Variants in DNAH10 observed in about 807,000 individuals in gnomAD.
The protein encoded by DNAH10 is dynein axonemal heavy chain 10.
A neutral mutation model predicts 506.6 loss-of-function variants in DNAH10; 348 were observed. That is an observed-to-expected ratio of 0.69 (90% CI 0.63 to 0.75). DNAH10 has a LOEUF of 0.75. Ranked by LOEUF, DNAH10 falls within the 30% of genes least tolerant of loss-of-function variation. The pLI is 0.00. For missense variants in DNAH10, 5,179 were observed against 5,787.1 expected, an observed-to-expected ratio of 0.89 and a Z score of 3.41; for synonymous variants, 2,059 against 2,198.6, an observed-to-expected ratio of 0.94 and a Z score of 1.78.
chr12:123,767,276 T>G (rs772278403), intron 1 of DNAH10, among the ~76,000 whole-genome samples: 8 of 152,208 alleles, frequency 5.3e-5, no homozygotes, highest in Non-Finnish European at 1.2e-4. Context: ...TTTTGAAATG[T>G]ACAGTTTAGG....
At position 123,935,354 on chromosome 12, in the gene DNAH10, T is replaced by C; in HGVS notation, c.13643T>C (p.Val4548Ala). 6.2e-7 allele frequency: 1 copy of C among 1,608,410 alleles called. No individual in the cohort carries two copies. The highest frequency in any genetic ancestry group is 1.1e-5 in the South Asian group (1 of 90,938). ...TTGCAGAATACTTTCCGGACCCCCG[T>C]CTACACCACCTCCATGAGAAGGAAC... ...LKLQNTFRTP[V>A]YTTSMRRNAM... Residue 4548 changes from valine (V) to alanine (A), a missense_variant, in exon 79 of 79, where the codon GTC (valine) becomes GCC (alanine). Physicochemically the swap from Val to Ala is moderately conservative, Grantham distance 64 (BLOSUM62 0). Transcript: ENST00000673944.
intron 42 of DNAH10, 149 bp downstream of exon 42, chr12:123,867,750 C>A: frequency 7.4e-7 from 1 of 1,347,800 alleles, no homozygotes; most frequent in Non-Finnish European, 1.0e-6. Flanking sequence ...TGCTTTTGTG[C>A]AAGTCAAGAT....
In DNAH10 at chr12:123,902,911, T is replaced by C. The variant is rs747134725; in HGVS notation, c.9641-28T>C. The C allele has an allele frequency of 2.1e-5, 33 of 1,558,550 alleles. No individual in the cohort carries two copies. Among genetic ancestry groups the C allele is most frequent in the Non-Finnish European group, 2.6e-5 (30 of 1,151,878 alleles). On this transcript the variant is annotated intron_variant, in intron 56 of 78. Coordinates refer to ENST00000673944, the MANE Select transcript of DNAH10 (RefSeq NM_001372106.1). This position sits in a 1 kb window ranked among gnomAD's most constrained non-coding sequence, Gnocchi z 4.5. ...GAGTGCATCTCCTCTGAGCCCAAGC[T>C]TTACTCACCCCCTGTCCTACCCTGC...
At position 123,902,111 on chromosome 12, in the gene DNAH10, A is replaced by G. The variant is rs1255717920; in HGVS notation, c.9641-828A>G. 2.6e-5 allele frequency among the ~76,000 whole-genome samples: 4 copies of G among 152,088 alleles called. No individual in the cohort carries two copies. The highest frequency in any genetic ancestry group is 7.2e-5 in the African/African-American group (3 of 41,462). On this transcript the variant is annotated intron_variant, in intron 56 of 78. Coordinates refer to ENST00000673944, the MANE Select transcript of DNAH10 (RefSeq NM_001372106.1). The surrounding 1 kb of genome is among the most constrained non-coding windows in gnomAD (Gnocchi z 4.5). Reference sequence around the variant, plus strand: ...TTGGTATTCCTTAGCTTAGCTTATAAATGCACCACTCCAGCGTCTGTCTCC... The same window carrying G: ...TTGGTATTCCTTAGCTTAGCTTATAGATGCACCACTCCAGCGTCTGTCTCC...
At position 123,787,683 on chromosome 12, in the gene DNAH10, C is replaced by T. The variant is rs1957909604; in HGVS notation, c.1422-121C>T. The T allele has an allele frequency of 7.5e-6, 9 of 1,196,614 alleles. No individual in the cohort carries two copies. In the South Asian group the frequency reaches 8.2e-5, roughly 11 times the overall value. The allele number at this position is 1,196,614 out of a possible 1,614,324, so 74.1% of individuals were successfully genotyped here. A position where few individuals can be genotyped will look rare whatever the true frequency, so the allele number is the denominator to read the frequency against. On this transcript the variant is annotated intron_variant, in intron 9 of 78. Coordinates refer to ENST00000673944, the MANE Select transcript of DNAH10 (RefSeq NM_001372106.1). This position sits in a 1 kb window ranked among gnomAD's most constrained non-coding sequence, Gnocchi z 4.6. ...CCCGCTCTGCCTTTTCCGATGAGGC[C>T]GTGAAACCAGGGGGGGCGCCCGGGT...
At chr12:123,923,903 C>G (rs780871085) in intron 66 of DNAH10, 36 bp downstream of exon 66, 12 of 1,442,782 alleles carry the variant, frequency 8.3e-6, no homozygotes, top group Non-Finnish European at 1.1e-5. Flanking sequence ...CTCCCATCTC[C>G]TTGCCCACAT....
chr12:123,839,631 C>T (rs1388986321), intron 29 of DNAH10, among the ~76,000 whole-genome samples: 3 of 151,320 alleles, frequency 2.0e-5, no homozygotes, highest in African/African-American at 7.3e-5. Flanking sequence ...TTGTCCCCAT[C>T]CCCATTCATA....
chr12:123,771,089 C>A (rs997486372), intron 2 of DNAH10, among the ~76,000 whole-genome samples: 1 of 151,344 alleles, frequency 6.6e-6, no homozygotes, highest in East Asian at 1.9e-4. Flanking sequence ...CCTGCCTCAG[C>A]CTCCCGAGTA....
chr12:123,900,851 A>C (rs767819326), intron 56 of DNAH10, among the ~76,000 whole-genome samples: 2 of 152,062 alleles, frequency 1.3e-5, no homozygotes, highest in African/African-American at 2.4e-5. Context: ...CTCCAGCATG[A>C]GGTTGGCATC....
chr12:123,838,690 G>A lies in DNAH10; in HGVS notation c.5136+1G>A, dbSNP rs374275214. 1 of 1,612,960 alleles carries A rather than the reference G, an allele frequency of 6.2e-7. No individual in the cohort carries two copies. Among genetic ancestry groups the A allele is most frequent in the Admixed American group, 1.7e-5 (1 of 60,028 alleles). ...CTGCGTCCAGGAGCACATGATCAAG[G>A]TCAGCCCTCTGGGTGTGCAGGGGCT... On this transcript the variant is annotated splice_donor_variant, in intron 29 of 78. Transcript: ENST00000673944. LOFTEE classifies it high-confidence loss of function.
At chr12:123,912,548 A>G (rs1003273179) in intron 59 of DNAH10, among the ~76,000 whole-genome samples, 1 of 151,400 alleles carries the variant, frequency 6.6e-6, no homozygotes, top group Non-Finnish European at 1.5e-5. Flanking sequence ...GCCTCACCCC[A>G]CTGGATGCCA....
intron 15 of DNAH10, among the ~76,000 whole-genome samples, chr12:123,800,644 C>G (rs1419887026): frequency 6.7e-6 from 1 of 149,860 alleles, no homozygotes; most frequent in Non-Finnish European, 1.5e-5. Flanking sequence ...CGTGATTGCT[C>G]TATCTCCAGC....
Position 123,792,391 on chromosome 12 carries a change from C to T in DNAH10, c.1816-1551C>T, listed in dbSNP as rs560086995. 2.0e-5 allele frequency among the ~76,000 whole-genome samples: 3 copies of T among 152,110 alleles called. No individual in the cohort carries two copies. The South Asian group carries it at 6.2e-4, about 32-fold the overall frequency. On this transcript the variant is annotated intron_variant, in intron 11 of 78. Transcript: ENST00000673944. ...TCAGTGCCATTATTTACCTAGAGGC[C>T]TTCCTCCCAGAGCTCATTGTCCTCC...
chr12:123,798,491 C>G (rs912134356), intron 13 of DNAH10, among the ~76,000 whole-genome samples: 1 of 152,128 alleles, frequency 6.6e-6, no homozygotes, highest in Non-Finnish European at 1.5e-5. Flanking sequence ...GTGGTGCAAA[C>G]CATTCACGAG....
intron 36 of DNAH10, among the ~76,000 whole-genome samples, chr12:123,855,633 CAAAAA>C (rs34517744): frequency 9.8e-6 from 1 of 102,116 alleles, no homozygotes; most frequent in Admixed American, 1.1e-4. Context: ...GACCCTGTCT[CAAAAA>C]AAAAAAAAAA....
At chr12:123,775,843 G>A (rs1344246747) in intron 5 of DNAH10, among the ~76,000 whole-genome samples, 2 of 152,156 alleles carry the variant, frequency 1.3e-5, no homozygotes, top group Non-Finnish European at 2.9e-5. Context: ...CTGCTGTAGG[G>A]AACTGCCCAT....
intron 51 of DNAH10, among the ~76,000 whole-genome samples, chr12:123,883,956 T>G (rs951742285): frequency 1.3e-5 from 2 of 152,180 alleles, no homozygotes; most frequent in African/African-American, 4.8e-5. Context: ...AACCTTTTGA[T>G]AAGTCCACCT....
intron 29 of DNAH10, among the ~76,000 whole-genome samples, chr12:123,839,907 G>A (rs1295376943): frequency 2.6e-5 from 4 of 152,014 alleles, no homozygotes; most frequent in Admixed American, 1.3e-4. Flanking sequence ...CCTGAATGGC[G>A]GGAAACAACA....
chr12:123,898,856 A>C, intron 56 of DNAH10, 42 bp downstream of exon 56: 1 of 1,553,254 alleles, frequency 6.4e-7, no homozygotes, highest in Non-Finnish European at 8.7e-7. Context: ...CCCAACACCC[A>C]ATACCCACCG....
Sources: gnomAD v4.1 joint callset for allele counts (sites outside exome capture counted in the v4.1 genomes callset) on GRCh38, gnomAD v4.1.1 for gene constraint, Gnocchi (gnomAD v3.1) non-coding constraint, MANE v1.5 for transcripts, NCBI Gene and HGNC (gene_info 2026-07-23, HGNC 2026-07-21) for gene names.